The following KAT6B variants were observed in gnomAD, a reference collection of about 807,000 sequenced individuals.
KAT6B encodes lysine acetyltransferase 6B.
A neutral mutation model predicts 187.5 loss-of-function variants in KAT6B; 10 were observed. The ratio of observed to expected loss-of-function variants is 0.05; its 90% CI spans 0.03 to 0.09. The LOEUF (loss-of-function observed/expected upper bound fraction) is 0.09. Ranked by LOEUF, KAT6B falls within the 10% of genes least tolerant of loss-of-function variation. KAT6B has a pLI of 1.00. For missense variants in KAT6B, 1,952 were observed against 2,558.9 expected, an observed-to-expected ratio of 0.76 and a Z score of 5.12; for synonymous variants, 861 against 926.8, an observed-to-expected ratio of 0.93 and a Z score of 1.29.
chr10:74,908,346 AG>A (rs1466215330), intron 3 of KAT6B, among the ~76,000 whole-genome samples: 1 of 152,108 alleles, frequency 6.6e-6, no homozygotes, highest in Non-Finnish European at 1.5e-5. Context: ...GCAGATCACG[AG>A]GTCAAGAGAT....
intron 13 of KAT6B, among the ~76,000 whole-genome samples, chr10:75,014,684 A>C (rs1268414158): frequency 1.3e-5 from 2 of 152,224 alleles, no homozygotes; most frequent in Non-Finnish European, 1.5e-5. Flanking sequence ...GAGGTGCAGA[A>C]TCTCAAGCCC....
intron 3 of KAT6B, among the ~76,000 whole-genome samples, chr10:74,897,004 ATT>A (rs1264009897): frequency 6.6e-6 from 1 of 152,194 alleles, no homozygotes; most frequent in Non-Finnish European, 1.5e-5. Flanking sequence ...CAAAGAAAGA[ATT>A]TATTGACTTT....
intron 3 of KAT6B, among the ~76,000 whole-genome samples, chr10:74,860,953 C>G (rs1843135114): frequency 6.6e-6 from 1 of 152,140 alleles, no homozygotes; most frequent in African/African-American, 2.4e-5. Context: ...GCCTGACCAA[C>G]ATGGAGAAAC....
intron 1 of KAT6B, among the ~76,000 whole-genome samples, chr10:74,835,357 C>T (rs1246168074): frequency 1.3e-5 from 2 of 151,896 alleles, no homozygotes; most frequent in Admixed American, 6.6e-5. Flanking sequence ...ACAGTTGTTT[C>T]CAGACTTCTT....
intron 13 of KAT6B, among the ~76,000 whole-genome samples, chr10:75,010,167 T>C (rs1304790164): frequency 1.3e-5 from 2 of 152,260 alleles, no homozygotes; most frequent in East Asian, 3.9e-4. Context: ...ACCATTGATC[T>C]CCAGAGGCTT....
chr10:75,026,296 C>T (rs1237094882), intron 17 of KAT6B: 1 of 152,128 alleles, frequency 6.6e-6, no homozygotes, highest in Non-Finnish European at 1.5e-5. Flanking sequence ...ATACACTGAA[C>T]ACCAGTGAAT....
intron 3 of KAT6B, among the ~76,000 whole-genome samples, chr10:74,863,969 T>A (rs750151994): frequency 1.3e-5 from 2 of 152,228 alleles, no homozygotes; most frequent in African/African-American, 4.8e-5. Context: ...TTGCCCCTCT[T>A]ATCTCAATAT....
chr10:74,939,569 T>G (rs1000033534), intron 3 of KAT6B, among the ~76,000 whole-genome samples: 5 of 152,016 alleles, frequency 3.3e-5, no homozygotes, highest in African/African-American at 9.7e-5. Flanking sequence ...ACCGGCTAAT[T>G]TTTGTATTTT....
At chr10:74,975,272 A>G in intron 7 of KAT6B, 127 bp from the exon 8 acceptor site, 1 of 766,338 alleles carries the variant, frequency 1.3e-6, no homozygotes, top group Non-Finnish European at 2.2e-6. Context: ...AGGTGGTGGC[A>G]CACACAAAAA....
intron 3 of KAT6B, among the ~76,000 whole-genome samples, chr10:74,854,461 TG>T (rs932394361): frequency 2.0e-5 from 3 of 151,890 alleles, no homozygotes; most frequent in African/African-American, 7.3e-5. Context: ...GTAGAGTGTA[TG>T]TTTTTTCTGT....
upstream of KAT6B, among the ~76,000 whole-genome samples, chr10:74,825,417 C>G (rs975422560): frequency 6.7e-6 from 1 of 150,144 alleles, no homozygotes; most frequent in African/African-American, 2.4e-5. This position sits in a 1 kb window ranked among gnomAD's most constrained non-coding sequence, Gnocchi z 5.0. Context: ...CCCGGCCAGG[C>G]CGGGCGGGCT....
At chr10:74,930,771 C>T (rs1265268004) in intron 3 of KAT6B, among the ~76,000 whole-genome samples, 1 of 151,972 alleles carries the variant, frequency 6.6e-6, no homozygotes, top group Non-Finnish European at 1.5e-5. Context: ...TTGGAGTTTC[C>T]ATCTTTTTTC....
intron 3 of KAT6B, among the ~76,000 whole-genome samples, chr10:74,899,241 C>A (rs1302409976): frequency 8.4e-6 from 1 of 119,482 alleles, no homozygotes; most frequent in African/African-American, 3.0e-5. Flanking sequence ...TTCTAAAATT[C>A]TAAATGAATT....
rs577947899 is a variant in KAT6B, at chr10:74,864,532, C to T, written c.621+21054C>T. On this transcript the variant is annotated intron_variant, in intron 3 of 17. Transcript: ENST00000287239. ...TAAAGACGCAACCATCCACTTTTTTCCCCTCAGGTATTTTATTTATATATT... is the reference window on the plus strand; with the variant it reads ...TAAAGACGCAACCATCCACTTTTTTTCCCTCAGGTATTTTATTTATATATT... Among the ~76,000 whole-genome samples the T allele has an allele frequency of 7.9e-5, 12 of 152,154 alleles. No individual in the cohort carries two copies. The East Asian group carries it at 2.3e-3, about 29-fold the overall frequency.
At chr10:74,910,086 T>A (rs981645196) in intron 3 of KAT6B, among the ~76,000 whole-genome samples, 1 of 151,548 alleles carries the variant, frequency 6.6e-6, no homozygotes, top group South Asian at 2.1e-4. Flanking sequence ...GGTTGACAGT[T>A]TGAGACCAGC....
intron 3 of KAT6B, among the ~76,000 whole-genome samples, chr10:74,867,106 A>G (rs901924152): frequency 2.0e-5 from 3 of 152,146 alleles, no homozygotes; most frequent in East Asian, 1.9e-4. Flanking sequence ...AGCTAGCTGC[A>G]TGGTTAGCTG....
rs78026413 is a variant in KAT6B, at chr10:74,940,577, GT to G, written c.622-19379del. Among the ~76,000 whole-genome samples, 79 of 126,704 alleles carry G rather than the reference GT, an allele frequency of 6.2e-4. 1 individual carries two copies. The highest frequency in any genetic ancestry group is 2.8e-3 in the South Asian group (11 of 3,930). 83.1% of individuals were successfully genotyped at this position (126,704 alleles called of 152,430 possible). A position where few individuals can be genotyped will look rare whatever the true frequency, so the allele number is the denominator to read the frequency against. On this transcript the variant is annotated intron_variant, in intron 3 of 17. Coordinates refer to ENST00000287239, the MANE Select transcript of KAT6B (RefSeq NM_012330.4). ...GCGTGAGTCACCGTGCCCGGCCTTT[GT>G]TTTTTTTTTTTTTCTTTCTTTAAAG...
chr10:74,831,069 G>T (rs1359111997), intron 1 of KAT6B, among the ~76,000 whole-genome samples: 1 of 151,962 alleles, frequency 6.6e-6, no homozygotes, highest in African/African-American at 2.4e-5. Flanking sequence ...GATTACAGGC[G>T]TGAGCCTCTG....
chr10:74,984,512 C>T (rs1842706901), intron 11 of KAT6B: 1 of 154,954 alleles, frequency 6.5e-6, no homozygotes, highest in Non-Finnish European at 1.4e-5. Flanking sequence ...ATATCACTTT[C>T]TCTGTAAGTA....
Sources: gnomAD v4.1 joint callset for allele counts (sites outside exome capture counted in the v4.1 genomes callset) on GRCh38, gnomAD v4.1.1 for gene constraint, Gnocchi (gnomAD v3.1) non-coding constraint, MANE v1.5 for transcripts, NCBI Gene and HGNC (gene_info 2026-07-23, HGNC 2026-07-21) for gene names.